SRFBP1: variants seen among roughly 807,000 people sequenced by gnomAD.
SRFBP1 encodes the protein serum response factor binding protein 1, also known as serum response factor-binding protein 1.
In SRFBP1, 47 loss-of-function variants were observed where a neutral mutation model predicts 45.5. That is an observed-to-expected ratio of 1.03 (90% CI 0.82 to 1.32). The LOEUF is 1.32. Among genes scored for constraint, SRFBP1 ranks in the 40% most tolerant of loss-of-function variants. SRFBP1 has a pLI of 0.00. For missense variants in SRFBP1, 621 were observed against 484.6 expected, an observed-to-expected ratio of 1.28 and a Z score of -2.64; for synonymous variants, 203 against 166.3, an observed-to-expected ratio of 1.22 and a Z score of -1.70.
intron 5 of SRFBP1, 32 bp downstream of exon 5, chr5:122,019,373 T>G (rs1484819130): frequency 1.3e-6 from 2 of 1,542,076 alleles, no homozygotes; most frequent in African/African-American, 2.7e-5. Flanking sequence ...AGCCATGTAC[T>G]TAATGTATTT....
At chr5:122,064,641 T>C (rs1349735499) in intron 2 of SRFBP1, 1 of 152,016 alleles carries the variant, frequency 6.6e-6, no homozygotes, top group Non-Finnish European at 1.5e-5. Flanking sequence ...CATGTAATTT[T>C]ATTCCCTAAA....
chr5:122,008,790 A>G (rs2112693395), intron 4 of SRFBP1, among the ~76,000 whole-genome samples: 1 of 152,304 alleles, frequency 6.6e-6, no homozygotes, highest in African/African-American at 2.4e-5. Context: ...TTTAGGGCAC[A>G]TACCTGAAAG....
At chr5:122,021,662 A>G (rs1344880497) in intron 6 of SRFBP1, among the ~76,000 whole-genome samples, 1 of 149,454 alleles carries the variant, frequency 6.7e-6, no homozygotes, top group African/African-American at 2.5e-5. Context: ...ACCACAAAAT[A>G]TAAATCTTTT....
intron 3 of SRFBP1, among the ~76,000 whole-genome samples, chr5:121,976,811 ACTT>A (rs1183119027): frequency 1.3e-5 from 2 of 150,668 alleles, no homozygotes; most frequent in African/African-American, 4.9e-5. Flanking sequence ...TCTGACTTTA[ACTT>A]CTTTTGTAAT....
chr5:122,019,370 T>C, intron 5 of SRFBP1, 29 bp downstream of exon 5: 1 of 1,550,192 alleles, frequency 6.5e-7, no homozygotes, highest in Non-Finnish European at 8.8e-7. Flanking sequence ...TTAAGCCATG[T>C]ACTTAATGTA....
At chr5:122,043,061 CCTT>C (rs1306223768) in intron 2 of SRFBP1, among the ~76,000 whole-genome samples, 4 of 151,988 alleles carry the variant, frequency 2.6e-5, no homozygotes, top group Admixed American at 6.6e-5. Flanking sequence ...TTGTCTCCAT[CCTT>C]CTTTCTAATA....
chr5:122,050,755 CTCACCTCT>C (rs1753959276), intron 2 of SRFBP1, among the ~76,000 whole-genome samples: 1 of 152,024 alleles, frequency 6.6e-6, no homozygotes, highest in Non-Finnish European at 1.5e-5. Context: ...TTTCCTTCAG[CTCACCTCT>C]GATTTTGGTT....
chr5:121,980,736 C>G (rs187314278), intron 3 of SRFBP1, among the ~76,000 whole-genome samples: 6 of 152,164 alleles, frequency 3.9e-5, no homozygotes, highest in Admixed American at 2.0e-4. Context: ...AATGAATTTT[C>G]TTGGCTAGGT....
At chr5:122,069,139 A>G (rs1479371058) in intron 2 of SRFBP1, among the ~76,000 whole-genome samples, 1 of 152,116 alleles carries the variant, frequency 6.6e-6, no homozygotes, top group Non-Finnish European at 1.5e-5. Flanking sequence ...TTTATGTAGA[A>G]AGTCCTGGGT....
rs1754592937 is a variant in SRFBP1 at position 122,075,567 on chromosome 5, AT to A, written n.566del. On this transcript the variant is annotated non_coding_transcript_exon_variant, in exon 3 of 3. Coordinates refer to the SRFBP1 transcript ENST00000504881. ...CTGTGATTTTGAAAAAAGAAAAATT[AT>A]TATATTCATGGAATATTAACTAAAG... 3.4e-6 allele frequency: 5 copies of A among 1,482,786 alleles called. No individual in the cohort carries two copies. In the South Asian group the frequency reaches 6.6e-5, roughly 20 times the overall value. 91.9% of individuals were successfully genotyped at this position (1,482,786 alleles called of 1,614,324 possible). A position where few individuals can be genotyped will look rare whatever the true frequency, so the allele number is the denominator to read the frequency against.
At chr5:121,989,823 T>G (rs1481351507) in intron 3 of SRFBP1, among the ~76,000 whole-genome samples, 2 of 152,228 alleles carry the variant, frequency 1.3e-5, no homozygotes, top group African/African-American at 4.8e-5. Flanking sequence ...TTTAGAATAC[T>G]TATGAGCAGT....
chr5:122,023,243 C>T (rs1054494214), intron 7 of SRFBP1, among the ~76,000 whole-genome samples: 9 of 152,156 alleles, frequency 5.9e-5, no homozygotes, highest in African/African-American at 2.2e-4. Flanking sequence ...AGTGACCAGA[C>T]TTTCTATCAC....
At chr5:122,031,831 A>G (rs1753591979), downstream of SRFBP1, among the ~76,000 whole-genome samples, 2 of 152,212 alleles carry the variant, frequency 1.3e-5, no homozygotes, top group African/African-American at 4.8e-5. Context: ...GATACAGACT[A>G]CAACGTGAAT....
At chr5:122,028,880 A>C (rs1753547413), downstream of SRFBP1, among the ~76,000 whole-genome samples, 2 of 152,198 alleles carry the variant, frequency 1.3e-5, no homozygotes, top group South Asian at 4.1e-4. Flanking sequence ...CGGTCCAAGT[A>C]AAAAGTTAAG....
intron 1 of SRFBP1, among the ~76,000 whole-genome samples, chr5:121,966,767 T>A (rs979844912): frequency 2.6e-5 from 4 of 151,148 alleles, no homozygotes; most frequent in South Asian, 2.1e-4. Context: ...ATTTTATTTT[T>A]TTTTATTTTT....
intron 4 of SRFBP1, among the ~76,000 whole-genome samples, chr5:122,001,736 T>A (rs1290572047): frequency 6.6e-6 from 1 of 151,920 alleles, no homozygotes; most frequent in Non-Finnish European, 1.5e-5. Context: ...TAATTTTTTG[T>A]ATTTTTAGTA....
intron 3 of SRFBP1, among the ~76,000 whole-genome samples, chr5:121,986,993 C>T (rs973230017): frequency 1.3e-5 from 2 of 151,930 alleles, no homozygotes; most frequent in Non-Finnish European, 2.9e-5. Flanking sequence ...ACATTAAGGC[C>T]GAGTACTGAA....
At chr5:122,054,715 C>G (rs1372219070) in intron 2 of SRFBP1, among the ~76,000 whole-genome samples, 4 of 152,122 alleles carry the variant, frequency 2.6e-5, no homozygotes, top group African/African-American at 9.7e-5. Context: ...TCCTCCACTA[C>G]TATTAGTTGG....
intron 1 of SRFBP1, among the ~76,000 whole-genome samples, chr5:121,967,309 T>A (rs1752093248): frequency 6.6e-6 from 1 of 152,166 alleles, no homozygotes; most frequent in Non-Finnish European, 1.5e-5. Flanking sequence ...TTTTTAATAA[T>A]TTTTTTCTGA....
Sources: allele counts gnomAD v4.1 joint callset (sites outside exome capture counted in the v4.1 genomes callset), GRCh38; gene constraint gnomAD v4.1.1; transcripts MANE v1.5; gene names NCBI Gene and HGNC (gene_info 2026-07-23, HGNC 2026-07-21).